The following RALGAPA1 variants were observed in gnomAD, a reference collection of about 807,000 sequenced individuals.
RALGAPA1 encodes the protein Ral GTPase activating protein catalytic subunit alpha 1, also known as ral GTPase-activating protein subunit alpha-1.
A neutral mutation model predicts 269.6 loss-of-function variants in RALGAPA1; 52 were observed. That is an observed-to-expected ratio of 0.19 (90% CI 0.15 to 0.24). The LOEUF is 0.24. RALGAPA1 is among the 10% of genes least tolerant of loss of function. RALGAPA1 has a pLI of 1.00. For synonymous variants in RALGAPA1, 817 were observed against 1,008.3 expected (o/e 0.81, Z 3.60); for missense variants, 1,917 against 3,013.9 (o/e 0.64, Z 8.52).
chr14:35,751,946 T>TA (rs2072750857), intron 8 of RALGAPA1, 78 bp downstream of exon 8: 1 of 1,516,236 alleles, frequency 6.6e-7, no homozygotes, highest in African/African-American at 1.4e-5. Context: ...TTTCCTGCAG[T>TA]AACAAATGCC....
At chr14:35,543,289 T>C (rs2054170905) in intron 41 of RALGAPA1, among the ~76,000 whole-genome samples, 1 of 152,184 alleles carries the variant, frequency 6.6e-6, no homozygotes, top group South Asian at 2.1e-4. Flanking sequence ...ACAGTAAGTA[T>C]AGCTACATAA....
At chr14:35,808,487 C>T (rs932333151) in intron 1 of RALGAPA1, among the ~76,000 whole-genome samples, 8 of 152,162 alleles carry the variant, frequency 5.3e-5, no homozygotes, top group African/African-American at 1.7e-4. Flanking sequence ...TAGAGTAATA[C>T]CAATTTTAAA....
At chr14:35,630,478 C>G (rs2061292177) in intron 33 of RALGAPA1, among the ~76,000 whole-genome samples, 1 of 152,178 alleles carries the variant, frequency 6.6e-6, no homozygotes, top group African/African-American at 2.4e-5. Flanking sequence ...GAAGAGGCTT[C>G]ACCATGTTGG....
chr14:35,611,112 G>T (rs184230654), intron 35 of RALGAPA1, among the ~76,000 whole-genome samples: 8 of 152,228 alleles, frequency 5.3e-5, no homozygotes, highest in African/African-American at 1.7e-4. Context: ...AATAGAAATT[G>T]GCAAGCTTGG....
In RALGAPA1 at chr14:35,539,622, A is replaced by T. The variant is rs773282922; in HGVS notation, c.*92T>A. 1 of 1,613,976 alleles carries T rather than the reference A, an allele frequency of 6.2e-7. No individual in the cohort carries two copies. Among genetic ancestry groups the T allele is most frequent in the Non-Finnish European group, 8.5e-7 (1 of 1,180,034 alleles). ...TTGCTAGTTCGAGGAGACATTGGAG[A>T]GGCCAGGTCAGCCCCATCTACCTGC... On this transcript the variant is annotated 3_prime_UTR_variant, in exon 42 of 42. Transcript: ENST00000680220.
At chr14:35,634,827 TAA>T in intron 32 of RALGAPA1, 70 bp from the exon 33 acceptor site, 1 of 1,369,122 alleles carries the variant, frequency 7.3e-7, no homozygotes, top group Non-Finnish European at 9.7e-7. Context: ...TAAAGGAGGA[TAA>T]AAATCAACTG....
intron 34 of RALGAPA1, 77 bp from the exon 35 acceptor site, chr14:35,625,509 C>A: frequency 9.7e-7 from 1 of 1,032,560 alleles, no homozygotes; most frequent in Non-Finnish European, 1.4e-6. Context: ...ACTTTCCACT[C>A]TACTCATGCA....
chr14:35,755,629 T>C (rs750648148), intron 7 of RALGAPA1, among the ~76,000 whole-genome samples: 4 of 152,218 alleles, frequency 2.6e-5, no homozygotes, highest in African/African-American at 9.6e-5. Flanking sequence ...AGAACACTTA[T>C]GGCATGCTAT....
intron 10 of RALGAPA1, among the ~76,000 whole-genome samples, chr14:35,743,927 T>C (rs958951448): frequency 6.6e-6 from 1 of 152,094 alleles, no homozygotes; most frequent in Admixed American, 6.6e-5. Context: ...TTATCACAAA[T>C]ACACATTTTC....
At chr14:35,747,548 T>C (rs1406916477) in intron 10 of RALGAPA1, among the ~76,000 whole-genome samples, 1 of 152,216 alleles carries the variant, frequency 6.6e-6, no homozygotes, top group Non-Finnish European at 1.5e-5. Flanking sequence ...TCATGCTTTG[T>C]TTTACACATC....
chr14:35,729,956 A>G (rs2070317911), intron 12 of RALGAPA1, among the ~76,000 whole-genome samples: 1 of 151,764 alleles, frequency 6.6e-6, no homozygotes, highest in South Asian at 2.1e-4. Flanking sequence ...TTTTACCTCC[A>G]GAACAACTGC....
At chr14:35,608,926 A>G (rs974278581) in intron 35 of RALGAPA1, among the ~76,000 whole-genome samples, 5 of 152,194 alleles carry the variant, frequency 3.3e-5, no homozygotes, top group East Asian at 3.8e-4. Flanking sequence ...CTTACAGGAT[A>G]GACCATAAAA....
intron 4 of RALGAPA1, among the ~76,000 whole-genome samples, chr14:35,770,320 G>C (rs1595497892): frequency 6.6e-6 from 1 of 152,002 alleles, no homozygotes. Flanking sequence ...ACATATAATG[G>C]TGAAGACTGA....
intron 16 of RALGAPA1, among the ~76,000 whole-genome samples, chr14:35,701,533 C>A (rs900994628): frequency 6.6e-6 from 1 of 152,194 alleles, no homozygotes; most frequent in East Asian, 1.9e-4. Flanking sequence ...AATTTTCATT[C>A]TCTTTCATCA....
At chr14:35,767,233 C>T (rs928981452) in intron 4 of RALGAPA1, 7 of 166,562 alleles carry the variant, frequency 4.2e-5, no homozygotes, top group African/African-American at 1.7e-4. Flanking sequence ...TCAATGATCA[C>T]ATAATTGCCA....
At chr14:35,560,721 T>G (rs771482352) in intron 39 of RALGAPA1, among the ~76,000 whole-genome samples, 1 of 152,190 alleles carries the variant, frequency 6.6e-6, no homozygotes. Context: ...GCTCCCACAG[T>G]TTAACTGTAA....
intron 6 of RALGAPA1, among the ~76,000 whole-genome samples, chr14:35,757,404 G>A (rs2073281089): frequency 6.6e-6 from 1 of 152,072 alleles, no homozygotes; most frequent in East Asian, 1.9e-4. Context: ...ACAGGTGTGA[G>A]CCACCGTGCC....
chr14:35,601,093 G>A (rs571115075), intron 36 of RALGAPA1, among the ~76,000 whole-genome samples: 2 of 152,282 alleles, frequency 1.3e-5, no homozygotes, highest in East Asian at 3.9e-4. Flanking sequence ...ACTGATATGT[G>A]GAAGCAGGAG....
chr14:35,676,316 A>C (rs1032727199), intron 22 of RALGAPA1: 25 of 152,086 alleles, frequency 1.6e-4, no homozygotes, highest in African/African-American at 5.3e-4. Flanking sequence ...GGTTTAAGTA[A>C]TTTTCCTGCC....
Sources: gnomAD v4.1 joint callset for allele counts (sites outside exome capture counted in the v4.1 genomes callset) on GRCh38, gnomAD v4.1.1 for gene constraint, MANE v1.5 for transcripts, NCBI Gene and HGNC (gene_info 2026-07-23, HGNC 2026-07-21) for gene names.